MACC1: variants seen among roughly 807,000 people sequenced by gnomAD.
The protein encoded by MACC1 is metastasis-associated in colon cancer protein 1.
In MACC1, 79 loss-of-function variants were observed where a neutral mutation model predicts 70.7. The ratio of observed to expected loss-of-function variants is 1.12; its 90% CI spans 0.93 to 1.35. MACC1 has a LOEUF of 1.35. Ranked by LOEUF, MACC1 falls within the 40% of genes most tolerant of loss-of-function variation. MACC1 has a pLI of 0.00. For synonymous variants in MACC1, 361 were observed against 347.2 expected (o/e 1.04, Z -0.44); for missense variants, 1,106 against 978.1 (o/e 1.13, Z -1.74).
chr7:20,160,321 C>T (rs1782123917), intron 4 of MACC1, 76 bp from the exon 5 acceptor site: 1 of 1,448,550 alleles, frequency 6.9e-7, no homozygotes, highest in Admixed American at 2.6e-5. Flanking sequence ...TAATTTTTCC[C>T]ATAGCTTAAA....
chr7:20,159,540 T>A lies in MACC1; in HGVS notation c.821A>T (p.Glu274Val). 6.2e-7 allele frequency: 1 copy of A among 1,614,156 alleles called. No homozygotes were observed. Among genetic ancestry groups the A allele is most frequent in the South Asian group, 1.1e-5 (1 of 91,080 alleles). Residue 274 changes from glutamate to valine, a missense_variant, in exon 5 of 7, where the codon GAA becomes GTA. Glu to Val is a moderately radical substitution (Grantham distance 121). Transcript: ENST00000400331. ...TGTATTGAGGTTGCCTAACATGATT[T>A]CCAACAACGGGCTCACAGTGCACGA... ...DLSCTVSPLL[E>V]IMLGNLNTME...
At chr7:20,154,782 T>C (rs2128101975) in intron 5 of MACC1, among the ~76,000 whole-genome samples, 1 of 152,242 alleles carries the variant, frequency 6.6e-6, no homozygotes, top group South Asian at 2.1e-4. Context: ...AAAGCCTCGT[T>C]CTAGGAGAGG....
intron 1 of MACC1, among the ~76,000 whole-genome samples, chr7:20,181,865 C>G: frequency 6.6e-6 from 1 of 151,978 alleles, no homozygotes; most frequent in East Asian, 1.9e-4. Flanking sequence ...TATGATGATA[C>G]TCCTAACCAA....
chr7:20,191,723 C>T (rs1299814202), intron 1 of MACC1, among the ~76,000 whole-genome samples: 1 of 152,122 alleles, frequency 6.6e-6, no homozygotes, highest in Non-Finnish European at 1.5e-5. Flanking sequence ...TTTCCAGGAC[C>T]TCTCACTGGC....
intron 5 of MACC1, among the ~76,000 whole-genome samples, chr7:20,156,261 G>A (rs893107424): frequency 6.6e-6 from 1 of 152,230 alleles, no homozygotes; most frequent in East Asian, 1.9e-4. Context: ...TCACCTGCCA[G>A]TCAGAGAACC....
intron 1 of MACC1, among the ~76,000 whole-genome samples, chr7:20,193,032 T>C (rs1782695928): frequency 1.3e-5 from 2 of 152,222 alleles, no homozygotes; most frequent in South Asian, 4.1e-4. Context: ...AAGATGCCCC[T>C]GTTGCCAAGT....
Position 20,191,455 on chromosome 7 carries a change from G to A in MACC1, c.-217-20677C>T, listed in dbSNP as rs182191840. 4.8e-5 allele frequency among the ~76,000 whole-genome samples: 7 copies of A among 146,354 alleles called. No individual in the cohort carries two copies. In the East Asian group the frequency reaches 9.6e-4, roughly 20 times the overall value. The stretch of plus-strand genomic sequence containing the variant: ...GTCTGGAAATGCAACCTGGCCCTAC[G>A]TAGCTGGCGTTGGAACTGATGAGGA... On this transcript the variant is annotated intron_variant, in intron 1 of 6. Coordinates refer to ENST00000400331, the MANE Select transcript of MACC1 (RefSeq NM_182762.4).
chr7:20,204,782 G>A (rs1368547196), intron 1 of MACC1, among the ~76,000 whole-genome samples: 2 of 152,066 alleles, frequency 1.3e-5, no homozygotes, highest in Non-Finnish European at 2.9e-5. Flanking sequence ...AAAATAAGGA[G>A]GAATTAACCA....
At chr7:20,185,707 C>G (rs1470630753) in intron 1 of MACC1, among the ~76,000 whole-genome samples, 1 of 152,220 alleles carries the variant, frequency 6.6e-6, no homozygotes, top group East Asian at 1.9e-4. Context: ...GTCCAATGTA[C>G]GTTAACTTAA....
intron 1 of MACC1, among the ~76,000 whole-genome samples, chr7:20,205,085 T>G (rs1782892011): frequency 6.6e-6 from 1 of 152,180 alleles, no homozygotes; most frequent in African/African-American, 2.4e-5. Flanking sequence ...TAATACAATT[T>G]TTTTTTTAGA....
intron 1 of MACC1, among the ~76,000 whole-genome samples, chr7:20,215,078 GTTTATTTA>G (rs10604824): frequency 0.066 from 9,708 of 147,308 alleles, 895 homozygotes; most frequent in African/African-American, 0.2. Context: ...TACATCTCAA[GTTTATTTA>G]TTTATTTATT....
chr7:20,190,425 A>T (rs957456739), intron 1 of MACC1, among the ~76,000 whole-genome samples: 3 of 152,192 alleles, frequency 2.0e-5, no homozygotes, highest in Non-Finnish European at 4.4e-5. Context: ...TTAATTAATA[A>T]ATTTTTATTG....
chr7:20,175,393 G>T lies in MACC1; in HGVS notation c.-217-4615C>A, dbSNP rs77023056. Among the ~76,000 whole-genome samples the T allele has an allele frequency of 5.3e-3, 805 of 151,582 alleles. 6 individuals carry two copies. Among genetic ancestry groups the T allele is most frequent in the African/African-American group, 0.019 (775 of 41,364 alleles). On this transcript the variant is annotated intron_variant, in intron 1 of 6. Transcript: ENST00000400331. ...TTTGGTTTTTCTCTTCTTTTTCATG[G>T]ATCATCAACTTTAAAATATGACAGG... is the stretch of plus-strand genomic sequence containing the variant.
At chr7:20,166,952 T>C (rs186569482) in intron 2 of MACC1, among the ~76,000 whole-genome samples, 2 of 152,218 alleles carry the variant, frequency 1.3e-5, no homozygotes, top group Admixed American at 1.3e-4. Flanking sequence ...AGTGATGTAG[T>C]CAAGGAACAT....
At chr7:20,166,174 C>T (rs557217035) in intron 2 of MACC1, among the ~76,000 whole-genome samples, 1 of 152,184 alleles carries the variant, frequency 6.6e-6, no homozygotes, top group South Asian at 2.1e-4. Context: ...CGATGATTTC[C>T]ATGAATTTGT....
At chr7:20,189,020 T>C (rs1782633158) in intron 1 of MACC1, among the ~76,000 whole-genome samples, 1 of 152,234 alleles carries the variant, frequency 6.6e-6, no homozygotes, top group African/African-American at 2.4e-5. Flanking sequence ...CTTTCATTTC[T>C]TGAACACAGC....
Position 20,159,700 on chromosome 7 carries a change from GATGGTTTA to G in MACC1, c.653_660del (p.Val218AlafsTer9). ...TCAGGTAATTGTACTGACCCTCCTTGATGGTTTACTTTGCAAGCTATGGTGACCTCCGC... is the reference window on the plus strand; with the variant it reads ...TCAGGTAATTGTACTGACCCTCCTTGCTTTGCAAGCTATGGTGACCTCCGC... On this transcript the variant is annotated frameshift_variant, in exon 5 of 7. Coordinates refer to ENST00000400331, the MANE Select transcript of MACC1 (RefSeq NM_182762.4). LOFTEE classifies it high-confidence loss of function. 1.2e-6 allele frequency: 2 copies of G among 1,614,126 alleles called. No individual in the cohort carries two copies. The highest frequency in any genetic ancestry group is 1.7e-6 in the Non-Finnish European group (2 of 1,180,020).
At chr7:20,212,765 T>A (rs1583415390) in intron 1 of MACC1, among the ~76,000 whole-genome samples, 1 of 152,018 alleles carries the variant, frequency 6.6e-6, no homozygotes, top group African/African-American at 2.4e-5. Flanking sequence ...CTCCTTTCCT[T>A]CAGTGCTACT....
intron 2 of MACC1, among the ~76,000 whole-genome samples, chr7:20,166,019 G>T (rs186761332): frequency 6.6e-6 from 1 of 152,246 alleles, no homozygotes; most frequent in Non-Finnish European, 1.5e-5. Flanking sequence ...AAGTAACCAA[G>T]AAAACAATAC....
Sources: gnomAD v4.1 joint callset for allele counts (sites outside exome capture counted in the v4.1 genomes callset) on GRCh38, gnomAD v4.1.1 for gene constraint, MANE v1.5 for transcripts, NCBI Gene and HGNC (gene_info 2026-07-23, HGNC 2026-07-21) for gene names.